Variants in TTC24 observed in about 807,000 individuals in gnomAD.
TTC24 encodes tetratricopeptide repeat protein 24.
In TTC24, 54 loss-of-function variants were observed where a neutral mutation model predicts 63.3. That is an observed-to-expected ratio of 0.85 (90% CI 0.69 to 1.07). The LOEUF (loss-of-function observed/expected upper bound fraction) is 1.07. Among genes scored for constraint, TTC24 ranks in the 50% least tolerant of loss-of-function variants. The probability of loss-of-function intolerance (pLI) is 0.00; values close to 1 mark genes in which losing one functional copy is unlikely to be tolerated. For synonymous variants in TTC24, 276 were observed against 304.3 expected (o/e 0.91, Z 0.97); for missense variants, 680 against 730.5 (o/e 0.93, Z 0.80).
intron 8 of TTC24, 46 bp downstream of exon 8, chr1:156,585,277 A>G (rs1453591183): frequency 1.4e-6 from 2 of 1,475,356 alleles, no homozygotes; most frequent in South Asian, 1.2e-5. Flanking sequence ...CCTTACTGCA[A>G]ATATGGCACT....
rs1465414759 is a variant in TTC24 at position 156,581,469 on chromosome 1, C to T, written c.105C>T (p.Ser35=). ...GAAAGTGGCTGCGGCAAGAAGCCAG[C>T]ATCCAAGCCCTCACCAGGGCTGGCC... The part of the protein sequence containing the change: ...KKRKWLRQEA[S]IQALTRAGHG... The change falls in exon 2 of 11, where the codon AGC becomes AGT. Residue 35 remains serine, a synonymous_variant. Coordinates refer to ENST00000368236, the MANE Select transcript of TTC24 (RefSeq NM_001105669.4). 6.4e-7 allele frequency: 1 copy of T among 1,550,714 alleles called. No individual in the cohort carries two copies. The highest frequency in any genetic ancestry group is 8.7e-7 in the Non-Finnish European group (1 of 1,146,556).
In TTC24 at chr1:156,586,599, C is replaced by T. The variant is rs530853279; in HGVS notation, c.*49C>T. 46 of 1,531,784 alleles carry T rather than the reference C, an allele frequency of 3.0e-5. No homozygotes were observed. Among genetic ancestry groups the T allele is most frequent in the South Asian group, 6.9e-5 (6 of 86,558 alleles). 94.9% of individuals were successfully genotyped at this position (1,531,784 alleles called of 1,614,324 possible). A position where few individuals can be genotyped will look rare whatever the true frequency, so the allele number is the denominator to read the frequency against. On this transcript the variant is annotated 3_prime_UTR_variant, in exon 11 of 11. Transcript: ENST00000368236. ...TCATCCCTGAAGCACCTGTCCAACACGCACACACTAGGGGGTCCTGGGGAC... is the reference window on the plus strand; with the variant it reads ...TCATCCCTGAAGCACCTGTCCAACATGCACACACTAGGGGGTCCTGGGGAC...
chr1:156,579,779 G>GA (rs945517594), intron 1 of TTC24, 21 bp downstream of exon 1: 11 of 152,318 alleles, frequency 7.2e-5, no homozygotes, highest in Admixed American at 7.2e-4. Flanking sequence ...CTGCAGTGGG[G>GA]ATCCCCACAC....
At chr1:156,581,235 G>C (rs145810114) in intron 1 of TTC24, 126 bp from the exon 2 acceptor site, 309 of 624,920 alleles carry the variant, frequency 4.9e-4, no homozygotes, top group African/African-American at 4.9e-3. Context: ...TGAGAGATCA[G>C]AGAGCAATCC....
chr1:156,586,422 G>A (rs1159648964), intron 10 of TTC24, 47 bp from the exon 11 acceptor site: 2 of 1,533,278 alleles, frequency 1.3e-6, no homozygotes, highest in Admixed American at 3.7e-5. Context: ...GCCTCCTGCT[G>A]TCTCCCCAGT....
At chr1:156,580,981 G>T (rs1413028383) in intron 1 of TTC24, among the ~76,000 whole-genome samples, 1 of 152,110 alleles carries the variant, frequency 6.6e-6, no homozygotes, top group Non-Finnish European at 1.5e-5. Flanking sequence ...GACCCTGCAA[G>T]TTGCTCCAAA....
At chr1:156,585,012 C>T (rs1237878180) in intron 7 of TTC24, 38 bp downstream of exon 7, 1 of 1,548,522 alleles carries the variant, frequency 6.5e-7, no homozygotes, top group South Asian at 1.2e-5. Flanking sequence ...TGCATGCGCC[C>T]TCTGCAGGGT....
At chr1:156,584,593 G>A (rs912634996) in intron 6 of TTC24, 4 of 339,750 alleles carry the variant, frequency 1.2e-5, no homozygotes, top group Non-Finnish European at 2.1e-5. Flanking sequence ...CCCAGCCAAT[G>A]TCTGCCACCT....
intron 9 of TTC24, 57 bp from the exon 10 acceptor site, chr1:156,585,892 T>C (rs1557959139): frequency 1.3e-6 from 2 of 1,580,492 alleles, no homozygotes; most frequent in African/African-American, 1.3e-5. Flanking sequence ...TTTTCCACCA[T>C]GATAGTTCTT....
In TTC24 at chr1:156,583,912, G is replaced by C. The variant is rs751650558; in HGVS notation, c.1251+17G>C. On this transcript the variant is annotated intron_variant, in intron 6 of 10. Coordinates refer to ENST00000368236, the MANE Select transcript of TTC24 (RefSeq NM_001105669.4). This position sits in a 1 kb window ranked among gnomAD's most constrained non-coding sequence, Gnocchi z 4.0. ...CACACCCTGGTGAGATGACACCTGA[G>C]ACAAGGAGATGGGGGTGGAGAGAGG... is the stretch of plus-strand genomic sequence containing the variant. 2 of 1,561,790 alleles carry C rather than the reference G, an allele frequency of 1.3e-6. No homozygotes were observed. Among genetic ancestry groups the C allele is most frequent in the Non-Finnish European group, 1.7e-6 (2 of 1,151,520 alleles).
In TTC24 at chr1:156,587,461, G is replaced by A. The variant is rs1347106215; in HGVS notation, c.*911G>A. 6.6e-6 allele frequency among the ~76,000 whole-genome samples: 1 copy of A among 152,128 alleles called. No homozygotes were observed. Among genetic ancestry groups the A allele is most frequent in the Non-Finnish European group, 1.5e-5 (1 of 68,008 alleles). On this transcript the variant is annotated 3_prime_UTR_variant, in exon 11 of 11. Transcript: ENST00000368236. ...CCAGCTAAGCCCTTGCTTACCCAGA[G>A]TCCATTGTGATTTAATATCAAGTGT...
At position 156,584,878 on chromosome 1, in the gene TTC24, C is replaced by T; in HGVS notation, c.1253C>T (p.Thr418Ile). The change falls in exon 7 of 11, where the codon ACT becomes ATT. Residue 418 changes from threonine to isoleucine, a missense_variant and splice_region_variant. By Grantham distance (89) the Thr-to-Ile change is moderately conservative. Coordinates refer to ENST00000368236, the MANE Select transcript of TTC24 (RefSeq NM_001105669.4). ...CCCTTTACTCCACTTCATTCCCAGA[C>T]TTCGGCTCCGGGAAGACTCCAGGCT... is the stretch of plus-strand genomic sequence containing the variant. ...QVGLVQTHTL[T>I]SAPGRLQAPG... is the part of the protein sequence containing the mutation. 3 of 1,566,006 alleles carry T rather than the reference C, an allele frequency of 1.9e-6. No homozygotes were observed. Among genetic ancestry groups the T allele is most frequent in the East Asian group, 2.3e-5 (1 of 43,712 alleles).
chr1:156,579,762 A>G lies in TTC24; in HGVS notation c.-5+4A>G, dbSNP rs1676944884. ...GCTGCGGAGAAGACCCAAGGAGGTA[A>G]GGTGTCCTGCAGTGGGGATCCCCAC... On this transcript the variant is annotated splice_donor_region_variant and intron_variant, in intron 1 of 10. Transcript: ENST00000368236. 1 of 152,198 alleles carries G rather than the reference A, an allele frequency of 6.6e-6. No homozygotes were observed. The highest frequency in any genetic ancestry group is 1.5e-5 in the Non-Finnish European group (1 of 68,070). 9.4% of individuals were successfully genotyped at this position (152,198 alleles called of 1,614,324 possible). A position where few individuals can be genotyped will look rare whatever the true frequency, so the allele number is the denominator to read the frequency against.
chr1:156,583,297 A>G lies in TTC24; in HGVS notation c.1040-41A>G, dbSNP rs750093922. 5.6e-6 allele frequency: 9 copies of G among 1,601,828 alleles called. No individual in the cohort carries two copies. The Admixed American group carries it at 1.4e-4, about 24-fold the overall frequency. ...CTCTGAGGGGGTGGATCAGTGGGGTAGGAAGTCATGAAAGGACCTTCCAGG... is the reference window on the plus strand; with the variant it reads ...CTCTGAGGGGGTGGATCAGTGGGGTGGGAAGTCATGAAAGGACCTTCCAGG... On this transcript the variant is annotated intron_variant, in intron 4 of 10. Coordinates refer to ENST00000368236, the MANE Select transcript of TTC24 (RefSeq NM_001105669.4). This position sits in a 1 kb window ranked among gnomAD's most constrained non-coding sequence, Gnocchi z 4.0.
Position 156,583,880 on chromosome 1 carries a change from C to G in TTC24, c.1236C>G (p.Val412=). The G allele has an allele frequency of 6.3e-7, 1 of 1,581,492 alleles. No homozygotes were observed. Among genetic ancestry groups the G allele is most frequent in the Non-Finnish European group, 8.6e-7 (1 of 1,164,362 alleles). ...CGCGCTTGGCCCAGGTGGGGCTGGT[C>G]CAGACTCACACCCTGGTGAGATGAC... ...VRTRLAQVGL[V]QTHTLTSAPG... The change falls in exon 6 of 11, where the codon GTC becomes GTG. Residue 412 remains valine, a synonymous_variant. Coordinates refer to ENST00000368236, the MANE Select transcript of TTC24 (RefSeq NM_001105669.4). The surrounding 1 kb of genome is among the most constrained non-coding windows in gnomAD (Gnocchi z 4.0).
chr1:156,583,149 C>A lies in TTC24; in HGVS notation c.1018C>A (p.Leu340Met). 6.2e-7 allele frequency: 1 copy of A among 1,612,786 alleles called. No homozygotes were observed. The highest frequency in any genetic ancestry group is 1.1e-5 in the South Asian group (1 of 90,846). ...TGCCAGAGACAACTACCTGCATGCC[C>A]TGCAGGCTGCCCGGGACTCTGGTAA... is the stretch of plus-strand genomic sequence containing the variant. The part of the protein sequence containing the change: ...KAARDNYLHA[L>M]QAARDSGDMK... The change falls in exon 4 of 11, where the codon CTG (leucine) becomes ATG (methionine). Residue 340 changes from leucine to methionine, a missense_variant. Physicochemically the swap from Leu to Met is conservative, Grantham distance 15 (BLOSUM62 2). Transcript: ENST00000368236. The surrounding 1 kb of genome is among the most constrained non-coding windows in gnomAD (Gnocchi z 4.0).
rs1242846343 is a variant in TTC24, at chr1:156,581,841, A to C, written c.477A>C (p.Lys159Asn). The change falls in exon 2 of 11, where the codon AAA becomes AAC. Residue 159 changes from lysine (K) to asparagine (N), a missense_variant. Physicochemically the swap from Lys to Asn is moderately conservative, Grantham distance 94. Transcript: ENST00000368236. ...PQGDQGEAWA[K>N]MGACYQALGQ... is the part of the protein sequence containing the mutation. Reference sequence around the variant, plus strand: ...GTGACCAGGGAGAAGCCTGGGCAAAAATGGGAGCCTGCTACCAGGCTCTGG... The same window carrying C: ...GTGACCAGGGAGAAGCCTGGGCAAACATGGGAGCCTGCTACCAGGCTCTGG... 6.5e-7 allele frequency: 1 copy of C among 1,550,266 alleles called. No homozygotes were observed. Among genetic ancestry groups the C allele is most frequent in the African/African-American group, 1.4e-5 (1 of 73,138 alleles).
intron 3 of TTC24, among the ~76,000 whole-genome samples, 182 bp from the exon 4 acceptor site, chr1:156,582,860 C>T (rs1235920833): frequency 1.3e-5 from 2 of 152,212 alleles, no homozygotes; most frequent in South Asian, 2.1e-4. Context: ...GAGGCACTCA[C>T]ACCAGAACTC....
In TTC24 at chr1:156,583,675, T is replaced by G. The variant is rs1677069602; in HGVS notation, c.1153-122T>G. ...CCCTGGGAAAGGCATGGGGATGGGG[T>G]AGAAGAGAGGGGAAACAAAGCCCCC... On this transcript the variant is annotated intron_variant, in intron 5 of 10. Transcript: ENST00000368236. The surrounding 1 kb of genome is among the most constrained non-coding windows in gnomAD (Gnocchi z 4.0). 2 of 1,008,106 alleles carry G rather than the reference T, an allele frequency of 2.0e-6. No individual in the cohort carries two copies. Among genetic ancestry groups the G allele is most frequent in the Admixed American group, 2.1e-5 (1 of 47,370 alleles). The allele number at this position is 1,008,106 out of a possible 1,614,324, so 62.4% of individuals were successfully genotyped here.
Sources: allele counts gnomAD v4.1 joint callset (sites outside exome capture counted in the v4.1 genomes callset), GRCh38; gene constraint gnomAD v4.1.1; non-coding constraint Gnocchi (gnomAD v3.1); transcripts MANE v1.5; gene names NCBI Gene and HGNC (gene_info 2026-07-23, HGNC 2026-07-21).